MAP3K13: variants seen among roughly 807,000 people sequenced by gnomAD.
MAP3K13 encodes the protein leucine zipper-bearing kinase.
A neutral mutation model predicts 104.0 loss-of-function variants in MAP3K13; 52 were observed. The ratio of observed to expected loss-of-function variants is 0.50; its 90% CI spans 0.40 to 0.63. The LOEUF is 0.63. Among genes scored for constraint, MAP3K13 ranks in the 20% least tolerant of loss-of-function variants. The pLI is 0.00. For missense variants in MAP3K13, 914 were observed against 1,218.5 expected (o/e 0.75, Z 3.72); for synonymous variants, 394 against 442.2 (o/e 0.89, Z 1.37).
Position 185,466,901 on chromosome 3 carries a change from T to C in MAP3K13, c.1581T>C (p.Asn527=). 2.5e-6 allele frequency: 4 copies of C among 1,613,900 alleles called. No individual in the cohort carries two copies. Among genetic ancestry groups the C allele is most frequent in the Non-Finnish European group, 3.4e-6 (4 of 1,179,848 alleles). The change falls in exon 10 of 14, where the codon AAT becomes AAC. Residue 527 remains asparagine (N), a synonymous_variant. Transcript: ENST00000265026. ...CTGTTCGTCCTATCATCCATCCCAATGCCATGGAGAAACTCATGAAAAGGA... is the reference window on the plus strand; with the variant it reads ...CTGTTCGTCCTATCATCCATCCCAACGCCATGGAGAAACTCATGAAAAGGA... ...RHPVRPIIHP[N]AMEKLMKRKG...
intron 7 of MAP3K13, among the ~76,000 whole-genome samples, chr3:185,455,063 T>TATATATATGAGATATATGTGAG (rs1716367524): frequency 8.5e-6 from 1 of 118,134 alleles, no homozygotes; most frequent in African/African-American, 3.1e-5. Flanking sequence ...ATATGTGAGA[T>TATATATATGAGATATATGTGAG]ATATATGAGA....
chr3:185,393,560 G>A (rs985580447), intron 1 of MAP3K13, among the ~76,000 whole-genome samples: 1 of 151,320 alleles, frequency 6.6e-6, no homozygotes, highest in Admixed American at 6.6e-5. Context: ...CCGGGTTCAC[G>A]CCATTCTCCT....
intron 2 of MAP3K13, among the ~76,000 whole-genome samples, chr3:185,287,778 G>A (rs144509433): frequency 6.6e-6 from 1 of 152,162 alleles, no homozygotes; most frequent in Admixed American, 6.5e-5. Flanking sequence ...GCTCATGCCT[G>A]TAATCCTAGC....
chr3:185,402,816 C>T (rs192874918), intron 1 of MAP3K13, among the ~76,000 whole-genome samples: 72 of 152,228 alleles, frequency 4.7e-4, no homozygotes, highest in South Asian at 1.5e-3. Context: ...TTTGTCTCTC[C>T]AGCTGGGCAA....
intron 2 of MAP3K13, among the ~76,000 whole-genome samples, chr3:185,291,198 T>G (rs1489887418): frequency 2.0e-5 from 3 of 152,222 alleles, no homozygotes; most frequent in African/African-American, 4.8e-5. Context: ...GTGAACATCA[T>G]TTTATGCTAT....
At chr3:185,448,368 G>T (rs781625908) in intron 5 of MAP3K13, among the ~76,000 whole-genome samples, 1 of 152,022 alleles carries the variant, frequency 6.6e-6, no homozygotes, top group Non-Finnish European at 1.5e-5. Flanking sequence ...ATACAATTAT[G>T]TTCTCTAGAC....
chr3:185,288,992 A>C (rs1720637172), intron 2 of MAP3K13, among the ~76,000 whole-genome samples: 1 of 152,184 alleles, frequency 6.6e-6, no homozygotes, highest in Admixed American at 6.5e-5. Flanking sequence ...ATTACCTTGC[A>C]GAACAGGAGA....
chr3:185,377,262 T>C (rs1724474529), intron 1 of MAP3K13, among the ~76,000 whole-genome samples: 1 of 152,196 alleles, frequency 6.6e-6, no homozygotes, highest in African/African-American at 2.4e-5. Flanking sequence ...GCTTTAATCC[T>C]TTTAAAGCAT....
At position 185,484,495 on chromosome 3, in the gene MAP3K13, A is replaced by G. The variant is rs1376901955; in HGVS notation, c.*2039A>G. The G allele has an allele frequency of 3.9e-5, 6 of 152,348 alleles. No homozygotes were observed. The highest frequency in any genetic ancestry group is 2.0e-4 in the Admixed American group (3 of 15,304). The allele number at this position is 152,348 out of a possible 1,614,324, so 9.4% of individuals were successfully genotyped here. On this transcript the variant is annotated 3_prime_UTR_variant, in exon 14 of 14. Transcript: ENST00000265026. ...ACAGCTGTTAAACCATTTCCAATGC[A>G]CATGAAAATGTTGCCGCTCCTCTGG...
intron 1 of MAP3K13, among the ~76,000 whole-genome samples, chr3:185,381,166 T>A (rs569740365): frequency 7.9e-5 from 12 of 152,226 alleles, no homozygotes; most frequent in Middle Eastern, 3.4e-3. Context: ...TTTCACCATG[T>A]TGGCCAGGCT....
chr3:185,444,640 G>C (rs1029455734), intron 4 of MAP3K13, among the ~76,000 whole-genome samples: 39 of 152,250 alleles, frequency 2.6e-4, no homozygotes, highest in African/African-American at 9.1e-4. Context: ...GGAGTGTGTA[G>C]TTAGTTCCCC....
chr3:185,397,178 A>T (rs1409028251), intron 1 of MAP3K13, among the ~76,000 whole-genome samples: 1 of 152,228 alleles, frequency 6.6e-6, no homozygotes, highest in Non-Finnish European at 1.5e-5. Context: ...GATGTGCCCC[A>T]CATTGAGCAT....
chr3:185,307,545 C>G (rs1053316927), intron 2 of MAP3K13, among the ~76,000 whole-genome samples: 2 of 48,152 alleles, frequency 4.2e-5, no homozygotes, highest in East Asian at 1.1e-3. Context: ...TGCACCACCC[C>G]CTCCCCCGCC....
At chr3:185,307,546 C>CCCCAA (rs58408265) in intron 2 of MAP3K13, among the ~76,000 whole-genome samples, 2 of 103,978 alleles carry the variant, frequency 1.9e-5, no homozygotes, top group African/African-American at 4.1e-5. Flanking sequence ...GCACCACCCC[C>CCCCAA]TCCCCCGCCA....
intron 7 of MAP3K13, among the ~76,000 whole-genome samples, chr3:185,457,617 A>G (rs9868878): frequency 0.74 from 112,963 of 152,094 alleles, 42,987 homozygotes; most frequent in Non-Finnish European, 0.84. Flanking sequence ...GTCCCTTTGC[A>G]GTTAAGATTT....
At chr3:185,337,199 C>G (rs779698997) in intron 2 of MAP3K13, among the ~76,000 whole-genome samples, 3 of 152,188 alleles carry the variant, frequency 2.0e-5, no homozygotes, top group Non-Finnish European at 2.9e-5. Context: ...GCCATCGCAG[C>G]CGGCCTAATG....
intron 2 of MAP3K13, among the ~76,000 whole-genome samples, chr3:185,431,280 G>A (rs796578936): frequency 6.6e-6 from 1 of 152,148 alleles, no homozygotes; most frequent in South Asian, 2.1e-4. Flanking sequence ...CATGTCTTAA[G>A]TATAATTCTT....
At chr3:185,471,618 C>A (rs1247317345) in intron 10 of MAP3K13, among the ~76,000 whole-genome samples, 1 of 151,890 alleles carries the variant, frequency 6.6e-6, no homozygotes, top group African/African-American at 2.4e-5. Context: ...CACCACCACG[C>A]CTGGCTAATT....
intron 8 of MAP3K13, among the ~76,000 whole-genome samples, chr3:185,464,486 T>C (rs1717297774): frequency 6.6e-6 from 1 of 152,164 alleles, no homozygotes; most frequent in African/African-American, 2.4e-5. Flanking sequence ...GGAGATCTGA[T>C]GGTTTTATAA....
Sources: allele counts gnomAD v4.1 joint callset (sites outside exome capture counted in the v4.1 genomes callset), GRCh38; gene constraint gnomAD v4.1.1; transcripts MANE v1.5; gene names NCBI Gene and HGNC (gene_info 2026-07-23, HGNC 2026-07-21).